ARNT2: variants seen among roughly 807,000 people sequenced by gnomAD.
ARNT2 encodes the protein aryl hydrocarbon receptor nuclear translocator 2, also known as ARNT protein 2.
ARNT2 carries 36 observed loss-of-function variants against 91.7 expected under a neutral mutation model. The observed-to-expected ratio is 0.39, with a 90% CI of 0.30 to 0.52. The LOEUF is 0.52. Ranked by LOEUF, ARNT2 falls within the 20% of genes least tolerant of loss-of-function variation. The probability of loss-of-function intolerance (pLI) is 0.72; values close to 1 mark genes in which losing one functional copy is unlikely to be tolerated. For synonymous variants in ARNT2, 365 were observed against 347.1 expected, an observed-to-expected ratio of 1.05 and a Z score of -0.57; for missense variants, 775 against 939.3, an observed-to-expected ratio of 0.83 and a Z score of 2.29.
At position 80,594,777 on chromosome 15, in the gene ARNT2, A is replaced by C. The variant is rs950941968; in HGVS notation, c.*1079A>C. On this transcript the variant is annotated 3_prime_UTR_variant, in exon 19 of 19. Transcript: ENST00000303329. Reference sequence around the variant, plus strand: ...GCCTGGCCCTTCTTTACAGATGTAGATAGCAGGGTAGGACGCCCAGGCCTT... The same window carrying C: ...GCCTGGCCCTTCTTTACAGATGTAGCTAGCAGGGTAGGACGCCCAGGCCTT... The C allele has an allele frequency of 6.6e-6, 1 of 152,274 alleles. No homozygotes were observed. Among genetic ancestry groups the C allele is most frequent in the African/African-American group, 2.4e-5 (1 of 41,470 alleles). The allele number at this position is 152,274 out of a possible 1,614,324, so 9.4% of individuals were successfully genotyped here.
intron 16 of ARNT2, 88 bp from the exon 17 acceptor site, chr15:80,581,151 C>G (rs766904460): frequency 3.9e-5 from 58 of 1,501,762 alleles, no homozygotes; most frequent in Non-Finnish European, 4.8e-5. Context: ...AGAGCAGGCA[C>G]TGCCCCTGCG....
chr15:80,512,114 T>G (rs556082180), intron 6 of ARNT2, among the ~76,000 whole-genome samples: 1 of 152,312 alleles, frequency 6.6e-6, no homozygotes, highest in African/African-American at 2.4e-5. Context: ...TAAGTATCTA[T>G]TTTCCCTAAT....
chr15:80,460,287 A>G (rs984161086), intron 3 of ARNT2, among the ~76,000 whole-genome samples: 1 of 152,218 alleles, frequency 6.6e-6, no homozygotes, highest in African/African-American at 2.4e-5. Context: ...TCATGTCTCA[A>G]TTTTTGATTT....
At chr15:80,556,914 T>TCTCA (rs1455620557) in intron 11 of ARNT2, 1 of 152,144 alleles carries the variant, frequency 6.6e-6, no homozygotes, top group Non-Finnish European at 1.5e-5. Flanking sequence ...TCCACAGGGC[T>TCTCA]CTCACATCTT....
chr15:80,571,084 T>G (rs1203704004), intron 12 of ARNT2, among the ~76,000 whole-genome samples: 1 of 152,112 alleles, frequency 6.6e-6, no homozygotes, highest in East Asian at 1.9e-4. Context: ...CAACTTATTT[T>G]GTGTTTCTCC....
intron 8 of ARNT2, among the ~76,000 whole-genome samples, chr15:80,529,131 C>G (rs1897694637): frequency 6.6e-6 from 1 of 152,178 alleles, no homozygotes; most frequent in East Asian, 1.9e-4. Flanking sequence ...TGACTTCTTG[C>G]AAGGTTGAGA....
chr15:80,430,209 G>A (rs1456188990), intron 1 of ARNT2, among the ~76,000 whole-genome samples: 2 of 152,136 alleles, frequency 1.3e-5, no homozygotes, highest in Admixed American at 6.5e-5. Flanking sequence ...GCCACGCTCT[G>A]TGCTGGATGC....
intron 2 of ARNT2, among the ~76,000 whole-genome samples, chr15:80,452,711 C>T (rs1439970839): frequency 6.6e-6 from 1 of 152,150 alleles, no homozygotes; most frequent in Non-Finnish European, 1.5e-5. Context: ...CAGAGATGCT[C>T]AGGCCCAGCC....
In ARNT2 at chr15:80,581,325, C is replaced by G; in HGVS notation, c.1839C>G (p.Tyr613Ter). ...SHTYPADPSS[Y>*]SPLSSPATSS... Reference sequence around the variant, plus strand: ...CCTACCCGGCAGACCCCTCTTCCTACAGCCCCCTCTCCAGCCCAGCTACCT... The same window carrying G: ...CCTACCCGGCAGACCCCTCTTCCTAGAGCCCCCTCTCCAGCCCAGCTACCT... The change falls in exon 17 of 19, where the codon TAC becomes TAG. Residue 613 changes from tyrosine (Y) to a stop codon, truncating the protein, a stop_gained. Coordinates refer to ENST00000303329, the MANE Select transcript of ARNT2 (RefSeq NM_014862.4). LOFTEE classifies it high-confidence loss of function. 1 of 1,614,208 alleles carries G rather than the reference C, an allele frequency of 6.2e-7. No individual in the cohort carries two copies. Among genetic ancestry groups the G allele is most frequent in the South Asian group, 1.1e-5 (1 of 91,078 alleles).
chr15:80,419,985 G>A (rs932745436), intron 1 of ARNT2, among the ~76,000 whole-genome samples: 27 of 152,034 alleles, frequency 1.8e-4, no homozygotes, highest in Non-Finnish European at 7.4e-5. Flanking sequence ...GGGGAGCCTG[G>A]GGCAATGGGA....
chr15:80,419,074 G>A (rs1041721009), intron 1 of ARNT2, among the ~76,000 whole-genome samples: 1 of 152,118 alleles, frequency 6.6e-6, no homozygotes, highest in African/African-American at 2.4e-5. Context: ...TAGAACGCAG[G>A]ATCTGTTAGG....
At chr15:80,520,031 T>A (rs2141432904) in intron 8 of ARNT2, among the ~76,000 whole-genome samples, 1 of 148,938 alleles carries the variant, frequency 6.7e-6, no homozygotes, top group Admixed American at 6.7e-5. Context: ...TTTGTACCTA[T>A]CTTATTTAGG....
At chr15:80,481,268 T>G (rs1896883067) in intron 5 of ARNT2, among the ~76,000 whole-genome samples, 1 of 152,242 alleles carries the variant, frequency 6.6e-6, no homozygotes, top group African/African-American at 2.4e-5. Flanking sequence ...GGAGCCATTT[T>G]CAGCCAGCTC....
At chr15:80,532,594 C>G (rs1183159769) in intron 8 of ARNT2, among the ~76,000 whole-genome samples, 4 of 152,212 alleles carry the variant, frequency 2.6e-5, no homozygotes, top group Non-Finnish European at 5.9e-5. Flanking sequence ...AGGTCACTTT[C>G]TAAAAGGCCC....
At chr15:80,525,759 T>C (rs1250507051) in intron 8 of ARNT2, among the ~76,000 whole-genome samples, 1 of 152,224 alleles carries the variant, frequency 6.6e-6, no homozygotes, top group Admixed American at 6.5e-5. Flanking sequence ...TCTTACCCTA[T>C]TACAAGGTCA....
chr15:80,553,611 A>G (rs1368528221), intron 10 of ARNT2, among the ~76,000 whole-genome samples: 1 of 152,214 alleles, frequency 6.6e-6, no homozygotes, highest in East Asian at 1.9e-4. Flanking sequence ...ATACACATAT[A>G]TGAAGAAAAA....
intron 8 of ARNT2, among the ~76,000 whole-genome samples, chr15:80,523,283 G>C (rs889193772): frequency 6.6e-6 from 1 of 152,188 alleles, no homozygotes; most frequent in African/African-American, 2.4e-5. Flanking sequence ...GGCTCCAGGG[G>C]TGGCAGTTGT....
chr15:80,408,381 G>C (rs1175341128), intron 1 of ARNT2, among the ~76,000 whole-genome samples: 1 of 152,176 alleles, frequency 6.6e-6, no homozygotes, highest in East Asian at 1.9e-4. Context: ...TATCATCATG[G>C]GGAGCCAGAG....
chr15:80,587,305 G>C (rs918109059), intron 17 of ARNT2, among the ~76,000 whole-genome samples: 1 of 151,646 alleles, frequency 6.6e-6, no homozygotes, highest in East Asian at 1.9e-4. Context: ...CTTCCTTATA[G>C]GGGGTTCAGC....
Sources: allele counts gnomAD v4.1 joint callset (sites outside exome capture counted in the v4.1 genomes callset), GRCh38; gene constraint gnomAD v4.1.1; transcripts MANE v1.5; gene names NCBI Gene and HGNC (gene_info 2026-07-23, HGNC 2026-07-21).